Variants in NELL2 observed in about 807,000 individuals in gnomAD.
NELL2 encodes the protein protein kinase C-binding protein NELL2.
Under a neutral mutation model 109.6 loss-of-function variants are expected in NELL2, and 41 were observed. The observed-to-expected ratio is 0.37, with a 90% confidence interval of 0.29 to 0.49. The LOEUF is 0.49. NELL2 is among the 20% of genes least tolerant of loss of function. The pLI is 0.98. For missense variants in NELL2, 900 were observed against 1,008.3 expected, an observed-to-expected ratio of 0.89 and a Z score of 1.45; for synonymous variants, 355 against 344.7, an observed-to-expected ratio of 1.03 and a Z score of -0.33.
At chr12:44,864,151 G>A (rs369854081) in intron 2 of NELL2, among the ~76,000 whole-genome samples, 1 of 152,020 alleles carries the variant, frequency 6.6e-6, no homozygotes, top group East Asian at 1.9e-4. Context: ...AGGAAGAAAG[G>A]AATAAATATG....
At chr12:44,895,801 G>T (rs762948511) in intron 1 of NELL2, among the ~76,000 whole-genome samples, 9 of 152,038 alleles carry the variant, frequency 5.9e-5, no homozygotes, top group African/African-American at 9.7e-5. Context: ...ACAGCCTAAA[G>T]AATTCATTTC....
Position 44,888,202 on chromosome 12 carries a change from T to A in NELL2, c.39-12302A>T, listed in dbSNP as rs114970642. Among the ~76,000 whole-genome samples the A allele has an allele frequency of 4.9e-3, 750 of 152,168 alleles. 20 individuals are homozygous for A. The highest frequency in any genetic ancestry group is 0.017 in the African/African-American group (707 of 41,434). ...TTTGTTCCATTGGTCTATGTATCTG[T>A]TTTTATGCCAGTATCATGCTGATTT... On this transcript the variant is annotated intron_variant, in intron 1 of 20. Coordinates refer to the NELL2 transcript ENST00000333837.
chr12:44,700,064 A>G (rs1387624796), intron 12 of NELL2, among the ~76,000 whole-genome samples: 1 of 152,148 alleles, frequency 6.6e-6, no homozygotes, highest in African/African-American at 2.4e-5. Flanking sequence ...CAAACCCATC[A>G]TGATTTTCTC....
chr12:44,843,393 T>C (rs1401578150), intron 2 of NELL2, among the ~76,000 whole-genome samples: 1 of 151,980 alleles, frequency 6.6e-6, no homozygotes, highest in East Asian at 1.9e-4. Context: ...AATTAAAGAA[T>C]CAATTGCAAG....
At chr12:44,596,558 T>C (rs1440303365) in intron 15 of NELL2, among the ~76,000 whole-genome samples, 1 of 152,172 alleles carries the variant, frequency 6.6e-6, no homozygotes, top group Non-Finnish European at 1.5e-5. Context: ...ACTAATATAA[T>C]TCTCTCAACA....
chr12:44,736,175 T>G, intron 9 of NELL2, among the ~76,000 whole-genome samples: 1 of 151,716 alleles, frequency 6.6e-6, no homozygotes, highest in Non-Finnish European at 1.5e-5. Flanking sequence ...CATGCCCGGC[T>G]AATTTTTGTA....
At position 44,770,415 on chromosome 12, in the gene NELL2, C is replaced by A. The variant is rs113594995; in HGVS notation, c.994+4332G>T. ...AAGCAATTTGACCAAAGTCTCACAG[C>A]TAATAAGTTGTGGAGTCAGAATTCA... On this transcript the variant is annotated intron_variant, in intron 9 of 19. Transcript: ENST00000429094. Among the ~76,000 whole-genome samples the A allele has an allele frequency of 6.2e-3, 942 of 152,228 alleles. 7 individuals are homozygous for A. The highest frequency in any genetic ancestry group is 0.021 in the African/African-American group (880 of 41,530).
rs1051550642 is a variant in NELL2 at position 44,596,302 on chromosome 12, G to A, written c.1663+10867C>T. Among the ~76,000 whole-genome samples, 42 of 152,262 alleles carry A rather than the reference G, an allele frequency of 2.8e-4. 1 individual carries two copies. Among genetic ancestry groups the A allele is most frequent in the Admixed American group, 1.6e-3 (25 of 15,304 alleles). ...TATTTCAGTCATTTTAGCATCCTAT[G>A]GTGCAGTGGGAGGCCAAATATCAGA... is the stretch of plus-strand genomic sequence containing the variant. On this transcript the variant is annotated intron_variant, in intron 15 of 19. Coordinates refer to ENST00000429094, the MANE Select transcript of NELL2 (RefSeq NM_001145108.2).
At chr12:44,825,822 G>A (rs894308071) in intron 2 of NELL2, among the ~76,000 whole-genome samples, 2 of 151,608 alleles carry the variant, frequency 1.3e-5, no homozygotes, top group African/African-American at 4.8e-5. Flanking sequence ...GAGGCGAGTG[G>A]ATCACCTGAG....
intron 15 of NELL2, among the ~76,000 whole-genome samples, chr12:44,586,956 T>C (rs1019408357): frequency 1.8e-4 from 28 of 152,212 alleles, no homozygotes; most frequent in African/African-American, 6.7e-4. Context: ...ACATCAGTAG[T>C]TGAGTAAGGT....
chr12:44,911,524 T>C (rs2136892773), intron 1 of NELL2, among the ~76,000 whole-genome samples: 1 of 152,112 alleles, frequency 6.6e-6, no homozygotes, highest in East Asian at 1.9e-4. Flanking sequence ...AAATGCCTGT[T>C]TAATCCTTGT....
At chr12:44,527,619 T>A (rs930965997) in intron 16 of NELL2, among the ~76,000 whole-genome samples, 7 of 152,190 alleles carry the variant, frequency 4.6e-5, no homozygotes, top group African/African-American at 1.7e-4. Flanking sequence ...TTTGTCTACT[T>A]TCTTTCCCCC....
chr12:44,700,647 G>A (rs1053097556), intron 12 of NELL2, among the ~76,000 whole-genome samples: 3 of 151,910 alleles, frequency 2.0e-5, no homozygotes, highest in Admixed American at 2.0e-4. Flanking sequence ...AACTCTTCTT[G>A]TTCAAGCAAA....
intron 8 of NELL2, among the ~76,000 whole-genome samples, chr12:44,775,720 G>A (rs1159372759): frequency 2.0e-5 from 3 of 152,176 alleles, no homozygotes; most frequent in Non-Finnish European, 4.4e-5. Flanking sequence ...CTCTGGAAAT[G>A]TTAAGGATAA....
intron 15 of NELL2, among the ~76,000 whole-genome samples, chr12:44,601,873 G>T (rs1470803): frequency 6.6e-6 from 1 of 151,866 alleles, no homozygotes; most frequent in Non-Finnish European, 1.5e-5. Flanking sequence ...GCTGGTAATA[G>T]AACTAGTTCT....
At chr12:44,641,176 A>ATAC (rs1946841183) in intron 13 of NELL2, among the ~76,000 whole-genome samples, 1 of 152,214 alleles carries the variant, frequency 6.6e-6, no homozygotes, top group African/African-American at 2.4e-5. Context: ...AATTAGTGGC[A>ATAC]TACTGCTAAG....
chr12:44,817,999 C>CA (rs1566463451), intron 2 of NELL2, among the ~76,000 whole-genome samples: 2 of 152,278 alleles, frequency 1.3e-5, no homozygotes, highest in East Asian at 1.9e-4. Flanking sequence ...CAAAGTTTTA[C>CA]AAAAAAGAAA....
chr12:44,812,097 G>C (rs1943198483), intron 3 of NELL2, among the ~76,000 whole-genome samples: 1 of 152,120 alleles, frequency 6.6e-6, no homozygotes, highest in Non-Finnish European at 1.5e-5. Context: ...CCTAATCACT[G>C]TCAGTTGGAA....
At chr12:44,657,424 C>T (rs1429666161) in intron 13 of NELL2, among the ~76,000 whole-genome samples, 3 of 152,098 alleles carry the variant, frequency 2.0e-5, no homozygotes, top group Non-Finnish European at 4.4e-5. Context: ...ATTCCACTAC[C>T]ATTAATTGAG....
Sources: gnomAD v4.1 joint callset for allele counts (sites outside exome capture counted in the v4.1 genomes callset) on GRCh38, gnomAD v4.1.1 for gene constraint, MANE v1.5 for transcripts, NCBI Gene and HGNC (gene_info 2026-07-23, HGNC 2026-07-21) for gene names.